The following FMN1 variants were observed in gnomAD, a reference collection of about 807,000 sequenced individuals.
FMN1 encodes formin-1.
FMN1 carries 110 observed loss-of-function variants against 132.4 expected under a neutral mutation model. That is an observed-to-expected ratio of 0.83 (90% confidence interval 0.71 to 0.97). The LOEUF is 0.97. Among genes scored for constraint, FMN1 ranks in the 50% least tolerant of loss-of-function variants. The pLI is 0.00. For missense variants in FMN1, 1,792 were observed against 1,705.3 expected (o/e 1.05, Z -0.90); for synonymous variants, 722 against 651.7 (o/e 1.11, Z -1.64).
At chr15:32,774,417 T>G (rs559655888) in intron 20 of FMN1, 63 bp from the exon 21 acceptor site, 17 of 1,438,684 alleles carry the variant, frequency 1.2e-5, no homozygotes, top group Admixed American at 2.1e-5. Flanking sequence ...TTGATACATT[T>G]CTCAAATTTT....
chr15:32,860,923 T>C (rs1014390848), intron 16 of FMN1: 2 of 152,118 alleles, frequency 1.3e-5, no homozygotes, highest in African/African-American at 2.4e-5. Context: ...CCTGATTGGG[T>C]AGTTCTCAAG....
chr15:32,837,050 C>T (rs2058643773), intron 17 of FMN1: 1 of 230,834 alleles, frequency 4.3e-6, no homozygotes, highest in Non-Finnish European at 9.9e-6. Flanking sequence ...CATCTTCATC[C>T]TTCTCACTCT....
At chr15:33,185,391 T>A (rs1385433404) in intron 2 of FMN1, among the ~76,000 whole-genome samples, 1 of 152,042 alleles carries the variant, frequency 6.6e-6, no homozygotes, top group Non-Finnish European at 1.5e-5. Context: ...GGGTTTTGTA[T>A]TATTATATTA....
At chr15:33,174,935 G>C (rs778803964) in intron 3 of FMN1, among the ~76,000 whole-genome samples, 46 of 152,208 alleles carry the variant, frequency 3.0e-4, no homozygotes, top group Non-Finnish European at 5.4e-4. Context: ...CACAGGGCTA[G>C]ATAGGGAATT....
intron 4 of FMN1, among the ~76,000 whole-genome samples, chr15:33,096,150 G>A (rs140958327): frequency 8.3e-4 from 127 of 152,226 alleles, no homozygotes; most frequent in African/African-American, 1.5e-3. Flanking sequence ...ATCATCAAAA[G>A]GAAGAAACAA....
At chr15:33,159,412 AAT>A (rs1307352818) in intron 3 of FMN1, among the ~76,000 whole-genome samples, 6 of 152,196 alleles carry the variant, frequency 3.9e-5, no homozygotes, top group Non-Finnish European at 5.9e-5. Context: ...TAATCAAACA[AAT>A]ATGTCCACAA....
chr15:33,111,351 G>A (rs1040992149), intron 4 of FMN1, among the ~76,000 whole-genome samples: 18 of 152,284 alleles, frequency 1.2e-4, no homozygotes, highest in African/African-American at 4.1e-4. Context: ...CTGTGAAGAA[G>A]TTGGGACTCT....
At chr15:33,063,633 G>C (rs879068772) in intron 6 of FMN1, 8 of 152,126 alleles carry the variant, frequency 5.3e-5, no homozygotes, top group Non-Finnish European at 1.0e-4. Flanking sequence ...AATTACCCTA[G>C]AGAAAATAAA....
chr15:32,868,179 T>A (rs142073687), intron 16 of FMN1, among the ~76,000 whole-genome samples: 25 of 152,298 alleles, frequency 1.6e-4, no homozygotes, highest in African/African-American at 5.8e-4. Flanking sequence ...ATTCTGATAG[T>A]CCGGTGATGA....
At chr15:33,056,670 A>G (rs1015673773) in intron 6 of FMN1, among the ~76,000 whole-genome samples, 5 of 152,222 alleles carry the variant, frequency 3.3e-5, no homozygotes, top group Admixed American at 6.5e-5. Context: ...TTGATTTAGC[A>G]CTGTAACAGC....
At chr15:33,181,592 C>T (rs1025255970) in intron 2 of FMN1, among the ~76,000 whole-genome samples, 3 of 151,922 alleles carry the variant, frequency 2.0e-5, no homozygotes, top group Admixed American at 6.6e-5. Context: ...GGGAGGCTTT[C>T]GGGGCTGTGA....
rs2039840130 is a variant in FMN1, at chr15:33,114,588, TCTC to T, written c.1868-25617_1868-25615del. Reference sequence around the variant, plus strand: ...CAAGAACACCACGCAAACGCGAGTCTCTCCTCGTCTCATGACAAAAGCACTTAG... The same window carrying T: ...CAAGAACACCACGCAAACGCGAGTCTCTCGTCTCATGACAAAAGCACTTAG... On this transcript the variant is annotated intron_variant, in intron 4 of 20. Coordinates refer to ENST00000616417, the MANE Select transcript of FMN1 (RefSeq NM_001277313.2). Among the ~76,000 whole-genome samples the T allele has an allele frequency of 3.3e-5, 5 of 152,116 alleles. 2 individuals are homozygous for T. In the South Asian group the frequency reaches 6.2e-4, roughly 19 times the overall value.
intron 4 of FMN1, among the ~76,000 whole-genome samples, chr15:33,119,012 A>C (rs559728274): frequency 6.6e-6 from 1 of 152,314 alleles, no homozygotes; most frequent in Non-Finnish European, 1.5e-5. Flanking sequence ...AAAAAATTGG[A>C]GATCAGCACC....
chr15:33,016,856 G>A (rs1444174360), intron 6 of FMN1, among the ~76,000 whole-genome samples: 1 of 152,182 alleles, frequency 6.6e-6, no homozygotes, highest in Non-Finnish European at 1.5e-5. Context: ...GCCCGCAGAA[G>A]CCATAGCCCA....
At chr15:33,116,843 A>T (rs1418158897) in intron 4 of FMN1, among the ~76,000 whole-genome samples, 1 of 152,182 alleles carries the variant, frequency 6.6e-6, no homozygotes, top group African/African-American at 2.4e-5. Context: ...CAGGTCCTTC[A>T]TAGAGAAAAT....
intron 4 of FMN1, among the ~76,000 whole-genome samples, chr15:33,100,455 G>A (rs568055585): frequency 6.6e-6 from 1 of 152,120 alleles, no homozygotes; most frequent in Non-Finnish European, 1.5e-5. Flanking sequence ...ATGCCCGAAG[G>A]CCAAATACAG....
At chr15:32,934,761 C>T (rs539138337) in intron 9 of FMN1, among the ~76,000 whole-genome samples, 18 of 151,824 alleles carry the variant, frequency 1.2e-4, no homozygotes, top group Admixed American at 1.2e-3. Context: ...CGTCCCCTGC[C>T]ATGCTGGGCT....
chr15:32,930,857 T>C (rs1284115452), intron 9 of FMN1, among the ~76,000 whole-genome samples: 1 of 152,118 alleles, frequency 6.6e-6, no homozygotes, highest in Non-Finnish European at 1.5e-5. Flanking sequence ...CTATTTTGAG[T>C]TGATTTTTGT....
chr15:32,944,134 C>T (rs141760803), intron 9 of FMN1, among the ~76,000 whole-genome samples: 85 of 152,338 alleles, frequency 5.6e-4, no homozygotes, highest in African/African-American at 1.9e-3. Context: ...AGGACCACAG[C>T]CATCTTGCTT....
Sources: allele counts gnomAD v4.1 joint callset (sites outside exome capture counted in the v4.1 genomes callset), GRCh38; gene constraint gnomAD v4.1.1; transcripts MANE v1.5; gene names NCBI Gene and HGNC (gene_info 2026-07-23, HGNC 2026-07-21).